Variants in ZNF213 observed in about 807,000 individuals in gnomAD.
ZNF213 encodes the protein putative transcription factor CR53.
In ZNF213, 32 loss-of-function variants were observed where a neutral mutation model predicts 46.0. The ratio of observed to expected loss-of-function variants is 0.70; its 90% confidence interval spans 0.52 to 0.93. The LOEUF is 0.93. ZNF213 is among the 40% of genes least tolerant of loss of function. ZNF213 has a pLI of 0.00. For missense variants in ZNF213, 639 were observed against 652.8 expected (o/e 0.98, Z 0.23); for synonymous variants, 297 against 271.0 (o/e 1.10, Z -0.94).
Position 3,141,208 on chromosome 16 carries a change from C to T in ZNF213, c.1241C>T (p.Ser414Phe), listed in dbSNP as rs780330471. The stretch of plus-strand genomic sequence containing the variant: ...TGCGGCAAGAGCTTCTCGCTGCGCT[C>T]CTACCTGCTGGACCATCGGCGTGTG... ...SDCGKSFSLR[S>F]YLLDHRRVHT... Residue 414 changes from serine to phenylalanine, a missense_variant, in exon 6 of 6, where the codon TCC becomes TTC. Physicochemically the swap from Ser to Phe is radical, Grantham distance 155. Coordinates refer to ENST00000396878, the MANE Select transcript of ZNF213 (RefSeq NM_004220.3). 6.2e-6 allele frequency: 10 copies of T among 1,612,548 alleles called. No homozygotes were observed. The highest frequency in any genetic ancestry group is 8.5e-6 in the Non-Finnish European group (10 of 1,179,932).
rs115856640 is a variant in ZNF213 at position 3,140,524 on chromosome 16, A to G, written c.722-165A>G. 929 of 1,073,930 alleles carry G rather than the reference A, an allele frequency of 8.7e-4. 10 individuals are homozygous for G. The African/African-American group carries it at 0.014, about 16-fold the overall frequency. 66.5% of individuals were successfully genotyped at this position (1,073,930 alleles called of 1,614,324 possible). A position where few individuals can be genotyped will look rare whatever the true frequency, so the allele number is the denominator to read the frequency against. On this transcript the variant is annotated intron_variant, in intron 5 of 5. Transcript: ENST00000396878. ...AGGCTTGAGTCACTGCGCCTGGCCA[A>G]TCATCCCTGTTTTATAGATGAGGAA... is the stretch of plus-strand genomic sequence containing the variant.
chr16:3,138,494 G>C lies in ZNF213; in HGVS notation c.476G>C (p.Gly159Ala). Reference sequence around the variant, plus strand: ...GCCACGGGGCCTCCCCCGACGGTGGGGGCACGGAGGCGGCCGTCTGTTCCC... The same window carrying C: ...GCCACGGGGCCTCCCCCGACGGTGGCGGCACGGAGGCGGCCGTCTGTTCCC... ...SQATGPPPTV[G>A]ARRRPSVPQE... Residue 159 changes from glycine (G) to alanine (A), a missense_variant, in exon 3 of 6, where the codon GGG (glycine) becomes GCG (alanine). By Grantham distance (60) the Gly-to-Ala change is moderately conservative. Coordinates refer to ENST00000396878, the MANE Select transcript of ZNF213 (RefSeq NM_004220.3). 1 of 1,613,624 alleles carries C rather than the reference G, an allele frequency of 6.2e-7. No homozygotes were observed. The highest frequency in any genetic ancestry group is 1.1e-5 in the South Asian group (1 of 91,068).
intron 5 of ZNF213, 54 bp downstream of exon 5, chr16:3,139,152 C>A: frequency 1.3e-6 from 2 of 1,598,870 alleles, no homozygotes; most frequent in Non-Finnish European, 1.7e-6. Context: ...TCTGCTGGAA[C>A]TTCAGTCTTG....
rs1052232559 is a variant in ZNF213 at position 3,142,339 on chromosome 16, G to A, written c.*992G>A. On this transcript the variant is annotated 3_prime_UTR_variant, in exon 6 of 6. Transcript: ENST00000396878. ...AATGCTCCACTCCATTGGCACTAAC[G>A]CCCCAACTCCAGCGGCACTAATGAC... The A allele has an allele frequency of 3.8e-5, 7 of 185,544 alleles. No individual in the cohort carries two copies. The highest frequency in any genetic ancestry group is 1.3e-4 in the Admixed American group (2 of 15,360). The allele number at this position is 185,544 out of a possible 1,614,324, so 11.5% of individuals were successfully genotyped here.
At chr16:3,139,739 A>G (rs1024653599) in intron 5 of ZNF213, 1 of 150,594 alleles carries the variant, frequency 6.6e-6, no homozygotes, top group African/African-American at 2.4e-5. Context: ...GTTGGGAAAA[A>G]TTTTCTTTCT....
At position 3,141,589 on chromosome 16, in the gene ZNF213, G is replaced by A. The variant is rs17136236; in HGVS notation, c.*242G>A. 1 of 495,892 alleles carries A rather than the reference G, an allele frequency of 2.0e-6. No homozygotes were observed. The highest frequency in any genetic ancestry group is 3.5e-6 in the Non-Finnish European group (1 of 284,042). The allele number at this position is 495,892 out of a possible 1,614,324, so 30.7% of individuals were successfully genotyped here. The stretch of plus-strand genomic sequence containing the variant: ...CCTCTTTCCCCCTTCTGCGCCTAGC[G>A]TTCCTCTTCCCCTCTAGTTTCCTGG... On this transcript the variant is annotated 3_prime_UTR_variant, in exon 6 of 6. Coordinates refer to ENST00000396878, the MANE Select transcript of ZNF213 (RefSeq NM_004220.3).
At chr16:3,138,031 G>A (rs1957560884) in intron 2 of ZNF213, 3 of 459,090 alleles carry the variant, frequency 6.5e-6, no homozygotes, top group South Asian at 4.5e-5. Flanking sequence ...AGAGTGGGGC[G>A]AGAAGGTGGA....
At position 3,138,731 on chromosome 16, in the gene ZNF213, T is replaced by A; in HGVS notation, c.524-14T>A. 6.2e-7 allele frequency: 1 copy of A among 1,614,102 alleles called. No homozygotes were observed. Among genetic ancestry groups the A allele is most frequent in the South Asian group, 1.1e-5 (1 of 91,084 alleles). On this transcript the variant is annotated splice_polypyrimidine_tract_variant and intron_variant, in intron 3 of 5. Transcript: ENST00000396878. ...CTGGGCTGGCCTTTCTAAGGCTCCA[T>A]TCTTCTCCTTCAGCCCAGCCTCCTG...
Position 3,139,023 on chromosome 16 carries a change from T to C in ZNF213, c.646T>C (p.Trp216Arg). 1.2e-6 allele frequency: 2 copies of C among 1,614,130 alleles called. No homozygotes were observed. Among genetic ancestry groups the C allele is most frequent in the South Asian group, 2.2e-5 (2 of 91,084 alleles). The change falls in exon 5 of 6, where the codon TGG becomes CGG. Residue 216 changes from tryptophan to arginine, a missense_variant. Transcript: ENST00000396878. ...CCCATTCTATTTCTCCCGGGAAGAATGGGGCACCCTGGACCCTGCTCAGCG... is the reference window on the plus strand; with the variant it reads ...CCCATTCTATTTCTCCCGGGAAGAACGGGGCACCCTGGACCCTGCTCAGCG... ...DIPFYFSREEWGTLDPAQRDL... is the reference protein window; with the variant it reads ...DIPFYFSREERGTLDPAQRDL...
chr16:3,137,517 T>A lies in ZNF213; in HGVS notation c.237T>A (p.Arg79=). The A allele has an allele frequency of 6.2e-7, 1 of 1,613,964 alleles. No homozygotes were observed. Among genetic ancestry groups the A allele is most frequent in the Non-Finnish European group, 8.5e-7 (1 of 1,180,024 alleles). The change falls in exon 2 of 6, where the codon CGT becomes CGA. Residue 79 remains arginine, a synonymous_variant. Coordinates refer to ENST00000396878, the MANE Select transcript of ZNF213 (RefSeq NM_004220.3). ...GCCGCTGGCTGCGGCCCGAGCTGCG[T>A]ACCAAGGAGCAGATCCTGGAGCTGC... The part of the protein sequence containing the change: ...LCCRWLRPEL[R]TKEQILELLV...
Position 3,138,560 on chromosome 16 carries a change from T to C in ZNF213, c.523+19T>C. ...CATAGCGGTGAGTAAGCCTCCGTTC[T>C]TGTGGACAGTCGAGTGGCTGGGCAG... is the stretch of plus-strand genomic sequence containing the variant. On this transcript the variant is annotated intron_variant, in intron 3 of 5. Transcript: ENST00000396878. 6 of 1,613,994 alleles carry C rather than the reference T, an allele frequency of 3.7e-6. No homozygotes were observed. The highest frequency in any genetic ancestry group is 5.1e-6 in the Non-Finnish European group (6 of 1,179,968).
intron 1 of ZNF213, 47 bp downstream of exon 1, chr16:3,135,434 A>G (rs1476085395): frequency 1.3e-5 from 2 of 152,258 alleles, no homozygotes; most frequent in African/African-American, 4.8e-5. Context: ...AAGTCACCAG[A>G]GGATGAGAAT....
rs1353377665 is a variant in ZNF213 at position 3,141,963 on chromosome 16, C to T, written c.*616C>T. ...CATACGGACTCGGCCTGCCTTTGCC[C>T]TCGGCCTACTTGCCCTAGCATGAGG... is the stretch of plus-strand genomic sequence containing the variant. On this transcript the variant is annotated 3_prime_UTR_variant, in exon 6 of 6. Transcript: ENST00000396878. 1 of 154,276 alleles carries T rather than the reference C, an allele frequency of 6.5e-6. No homozygotes were observed. The highest frequency in any genetic ancestry group is 2.4e-5 in the African/African-American group (1 of 41,480). 9.6% of individuals were successfully genotyped at this position (154,276 alleles called of 1,614,324 possible).
intron 5 of ZNF213, chr16:3,139,472 G>T: frequency 4.9e-6 from 1 of 203,446 alleles, no homozygotes; most frequent in Non-Finnish European, 9.9e-6. Flanking sequence ...GGGCTGCTAG[G>T]AGCAGGGGTG....
intron 5 of ZNF213, chr16:3,139,487 CGGG>C (rs1187620302): frequency 1.1e-5 from 2 of 187,486 alleles, no homozygotes; most frequent in African/African-American, 4.8e-5. Flanking sequence ...GGGGTGCTGA[CGGG>C]GAACCCCAGC....
chr16:3,140,892 C>A lies in ZNF213; in HGVS notation c.925C>A (p.Arg309=). ...GRPPTRRRQF[R]DLAAEKPHSC... ...GCCACCCACTCGCCGGCGCCAGTTCCGGGACCTGGCAGCCGAGAAGCCGCA... is the reference window on the plus strand; with the variant it reads ...GCCACCCACTCGCCGGCGCCAGTTCAGGGACCTGGCAGCCGAGAAGCCGCA... The change falls in exon 6 of 6, where the codon CGG becomes AGG. Residue 309 remains arginine (R), a synonymous_variant. Transcript: ENST00000396878. 1 of 1,583,202 alleles carries A rather than the reference C, an allele frequency of 6.3e-7. No individual in the cohort carries two copies. The highest frequency in any genetic ancestry group is 1.8e-4 in the Middle Eastern group (1 of 5,516).
At chr16:3,140,454 C>T (rs1287702984) in intron 5 of ZNF213, 1 of 489,264 alleles carries the variant, frequency 2.0e-6, no homozygotes, top group Non-Finnish European at 3.2e-6. Context: ...AACTCCTAAC[C>T]TCAGGTGATC....
At chr16:3,140,154 G>T (rs922878289) in intron 5 of ZNF213, 1 of 152,372 alleles carries the variant, frequency 6.6e-6, no homozygotes, top group Non-Finnish European at 1.5e-5. Context: ...TGGCTTAGGG[G>T]GCTGGCCCAT....
intron 5 of ZNF213, 27 bp downstream of exon 5, chr16:3,139,125 G>A (rs977572804): frequency 6.2e-7 from 1 of 1,607,848 alleles, no homozygotes; most frequent in Admixed American, 1.7e-5. Flanking sequence ...TTTGGGTCCA[G>A]GCTGGCCGCC....
Sources: allele counts gnomAD v4.1 joint callset, GRCh38; gene constraint gnomAD v4.1.1; transcripts MANE v1.5; gene names NCBI Gene and HGNC (gene_info 2026-07-23, HGNC 2026-07-21).